APPL2: variants seen among roughly 807,000 people sequenced by gnomAD.
APPL2 encodes DCC-interacting protein 13-beta.
Under a neutral mutation model 92.7 loss-of-function variants are expected in APPL2, and 84 were observed. The ratio of observed to expected loss-of-function variants is 0.91; its 90% CI spans 0.76 to 1.09. The LOEUF is 1.09. APPL2 is among the 50% of genes least tolerant of loss of function. The pLI is 0.00. For missense variants in APPL2, 736 were observed against 824.5 expected (o/e 0.89, Z 1.31); for synonymous variants, 291 against 291.0 (o/e 1.00, Z 0.00).
chr12:105,188,175 C>G (rs974721303), intron 17 of APPL2, 98 bp downstream of exon 17: 3 of 1,352,648 alleles, frequency 2.2e-6, no homozygotes, highest in Non-Finnish European at 3.0e-6. Context: ...CAAGAGTAGT[C>G]TCTTCATTCC....
At chr12:105,181,999 G>C (rs1886159081) in intron 17 of APPL2, among the ~76,000 whole-genome samples, 1 of 152,000 alleles carries the variant, frequency 6.6e-6, no homozygotes, top group African/African-American at 2.4e-5. Flanking sequence ...CTTGTCTTCT[G>C]CTAGCTTTTG....
Position 105,188,315 on chromosome 12 carries a change from C to T in APPL2, c.1592G>A (p.Arg531His), listed in dbSNP as rs565347239. 1.4e-5 allele frequency: 22 copies of T among 1,614,168 alleles called. No homozygotes were observed. The highest frequency in any genetic ancestry group is 4.4e-5 in the South Asian group (4 of 91,078). The change falls in exon 17 of 21, where the codon CGC (arginine) becomes CAC (histidine). Residue 531 changes from arginine (R) to histidine (H), a missense_variant. Arg to His is a conservative substitution (Grantham distance 29). Transcript: ENST00000258530. Reference protein sequence around the residue: ...LAARAIHNIFRMTESHLMVTS... With the variant: ...LAARAIHNIFHMTESHLMVTS... ...GACCATCAGATGGGATTCTGTCATG[C>T]GGAAGATGTTATGAATAGCCCGAGC...
chr12:105,196,032 G>A (rs1484300485), intron 11 of APPL2, among the ~76,000 whole-genome samples: 3 of 150,256 alleles, frequency 2.0e-5, no homozygotes, highest in Non-Finnish European at 4.4e-5. Flanking sequence ...TCCAGCCTGG[G>A]TGATAGGGCA....
rs1454557053 is a variant in APPL2, at chr12:105,190,175, A to G, written c.1242-20T>C. The G allele has an allele frequency of 3.7e-6, 6 of 1,610,050 alleles. No individual in the cohort carries two copies. In the African/African-American group the frequency reaches 5.3e-5, roughly 14 times the overall value. On this transcript the variant is annotated intron_variant, in intron 14 of 20. Coordinates refer to ENST00000258530, the MANE Select transcript of APPL2 (RefSeq NM_018171.5). Reference sequence around the variant, plus strand: ...TTCTGGCTGAAGGGGAAAAAAATCAATTCCCTTAACCTTACGCTTTTATAA... The same window carrying G: ...TTCTGGCTGAAGGGGAAAAAAATCAGTTCCCTTAACCTTACGCTTTTATAA...
intron 4 of APPL2, among the ~76,000 whole-genome samples, chr12:105,214,481 C>G (rs1566087462): frequency 6.6e-6 from 1 of 152,358 alleles, no homozygotes; most frequent in South Asian, 2.1e-4. Context: ...TCTATAATCA[C>G]ATCTTCTATG....
At chr12:105,214,275 G>A (rs1475912188) in intron 4 of APPL2, among the ~76,000 whole-genome samples, 11 of 152,334 alleles carry the variant, frequency 7.2e-5, no homozygotes, top group Non-Finnish European at 1.5e-4. Context: ...CCATGACAAC[G>A]TGGTTGTAAG....
At chr12:105,186,997 G>A (rs1465118089) in intron 17 of APPL2, among the ~76,000 whole-genome samples, 1 of 152,030 alleles carries the variant, frequency 6.6e-6, no homozygotes, top group Non-Finnish European at 1.5e-5. Flanking sequence ...ATATTAGATA[G>A]AATTTGTGAA....
At chr12:105,229,256 T>C in intron 1 of APPL2, 33 bp from the exon 2 acceptor site, 1 of 1,580,060 alleles carries the variant, frequency 6.3e-7, no homozygotes, top group Non-Finnish European at 8.6e-7. Flanking sequence ...GTCAATTTCA[T>C]TTCTAAGTGG....
rs544858485 is a variant in APPL2, at chr12:105,183,707, A to G, written c.1634+4566T>C. On this transcript the variant is annotated intron_variant, in intron 17 of 20. Transcript: ENST00000258530. ...CCTTAACATTTTTTCCTTCATTTCA[A>G]CCTTGGTGAATCTGATGATTATGTG... Among the ~76,000 whole-genome samples the G allele has an allele frequency of 7.2e-5, 11 of 151,900 alleles. No individual in the cohort carries two copies. In the South Asian group the frequency reaches 1.7e-3, roughly 23 times the overall value.
chr12:105,175,879 TC>T (rs1885492498), intron 20 of APPL2, among the ~76,000 whole-genome samples, 155 bp downstream of exon 20: 1 of 152,224 alleles, frequency 6.6e-6, no homozygotes, highest in African/African-American at 2.4e-5. Context: ...AACTAGCTGA[TC>T]AAAAACCTCT....
In APPL2 at chr12:105,209,323, G is replaced by A. The variant is rs184135028; in HGVS notation, c.374-1124C>T. On this transcript the variant is annotated intron_variant, in intron 5 of 20. Coordinates refer to ENST00000258530, the MANE Select transcript of APPL2 (RefSeq NM_018171.5). Reference sequence around the variant, plus strand: ...AAATACTTCAAAGTGAGGTCCTGATGGCATCAGAAAAGGATGTTTAACCTT... The same window carrying A: ...AAATACTTCAAAGTGAGGTCCTGATAGCATCAGAAAAGGATGTTTAACCTT... Among the ~76,000 whole-genome samples the A allele has an allele frequency of 8.5e-5, 13 of 152,146 alleles. No individual in the cohort carries two copies. The East Asian group carries it at 2.5e-3, about 29-fold the overall frequency.
chr12:105,206,829 G>A, intron 8 of APPL2: 1 of 449,400 alleles, frequency 2.2e-6, no homozygotes. Flanking sequence ...AGAGGCTTGG[G>A]ACCCAGGCCT....
chr12:105,212,222 G>C (rs967767920), intron 4 of APPL2, among the ~76,000 whole-genome samples: 9 of 151,702 alleles, frequency 5.9e-5, no homozygotes, highest in Non-Finnish European at 1.0e-4. Flanking sequence ...ACTGCATTTG[G>C]ATGTGATGCT....
intron 17 of APPL2, among the ~76,000 whole-genome samples, chr12:105,184,044 C>T (rs1008465471): frequency 2.0e-5 from 3 of 152,068 alleles, no homozygotes; most frequent in African/African-American, 4.8e-5. Context: ...TCCACTTGAT[C>T]GATTTGACTA....
In APPL2 at chr12:105,176,874, A is replaced by C; in HGVS notation, c.1812+2T>G. 6.2e-7 allele frequency: 1 copy of C among 1,613,144 alleles called. No homozygotes were observed. On this transcript the variant is annotated splice_donor_variant, in intron 19 of 20. Coordinates refer to ENST00000258530, the MANE Select transcript of APPL2 (RefSeq NM_018171.5). LOFTEE classifies it high-confidence loss of function. The stretch of plus-strand genomic sequence containing the variant: ...TATGGGATCTTCACATGAAAAAGAG[A>C]CCTTTTCGCCTTCTGAGTTGCTTTC...
At chr12:105,182,358 T>C (rs558910541) in intron 17 of APPL2, among the ~76,000 whole-genome samples, 3 of 152,368 alleles carry the variant, frequency 2.0e-5, no homozygotes, top group Admixed American at 6.5e-5. Flanking sequence ...GATGTTAGGA[T>C]GTCAATTTTA....
intron 9 of APPL2, among the ~76,000 whole-genome samples, chr12:105,202,751 A>C (rs915649198): frequency 6.6e-6 from 1 of 152,320 alleles, no homozygotes; most frequent in East Asian, 1.9e-4. Context: ...TTCAGAGCTA[A>C]ACAGCTCAGT....
In APPL2 at chr12:105,177,245, GTC is replaced by G. The variant is rs1205458858; in HGVS notation, c.1650_1651del (p.Gln550HisfsTer9). The G allele has an allele frequency of 1.2e-6, 2 of 1,613,774 alleles. No homozygotes were observed. The highest frequency in any genetic ancestry group is 3.3e-5 in the Admixed American group (2 of 60,000). The stretch of plus-strand genomic sequence containing the variant: ...ACTTACATTGGCCCTTGATACTTGA[GTC>G]TGTGGATCTATCAACCTGAAATTTT... On this transcript the variant is annotated frameshift_variant, in exon 18 of 21. Coordinates refer to ENST00000258530, the MANE Select transcript of APPL2 (RefSeq NM_018171.5). LOFTEE classifies it high-confidence loss of function.
chr12:105,211,249 G>A lies in APPL2; in HGVS notation c.354C>T (p.Phe118=). 6.2e-7 allele frequency: 1 copy of A among 1,613,482 alleles called. No individual in the cohort carries two copies. The highest frequency in any genetic ancestry group is 8.5e-7 in the Non-Finnish European group (1 of 1,179,424). The change falls in exon 5 of 21, where the codon TTC becomes TTT. Residue 118 remains phenylalanine, a synonymous_variant. Transcript: ENST00000258530. ...ADTMVLPIIQ[F]REKDLTEVST... is the part of the protein sequence containing the mutation. ...CTTTACCTGTGAGATCCTTTTCTCG[G>A]AATTGTATGATAGGTAGAACCATTG... is the stretch of plus-strand genomic sequence containing the variant.
Sources: allele counts gnomAD v4.1 joint callset (sites outside exome capture counted in the v4.1 genomes callset), GRCh38; gene constraint gnomAD v4.1.1; transcripts MANE v1.5; gene names NCBI Gene and HGNC (gene_info 2026-07-23, HGNC 2026-07-21).